GALNT13: variants seen among roughly 807,000 people sequenced by gnomAD.
GALNT13 encodes polypeptide N-acetylgalactosaminyltransferase 13.
Under a neutral mutation model 64.2 loss-of-function variants are expected in GALNT13, and 28 were observed. The ratio of observed to expected loss-of-function variants is 0.44; its 90% CI spans 0.32 to 0.60. The LOEUF (loss-of-function observed/expected upper bound fraction) is 0.60. Among genes scored for constraint, GALNT13 ranks in the 20% least tolerant of loss-of-function variants. The probability of loss-of-function intolerance (pLI) is 0.05; values close to 1 mark genes in which losing one functional copy is unlikely to be tolerated. For synonymous variants in GALNT13, 214 were observed against 224.6 expected, an observed-to-expected ratio of 0.95 and a Z score of 0.42; for missense variants, 577 against 669.8, an observed-to-expected ratio of 0.86 and a Z score of 1.53.
chr2:154,187,370 AC>A lies in GALNT13; in HGVS notation c.311+46866del, dbSNP rs1348449188. On this transcript the variant is annotated intron_variant, in intron 4 of 12. Transcript: ENST00000392825. ...ATGAGTAAGAAAGAGATAGGAGAAA[AC>A]ACACACACACACACACACACACACA... Among the ~76,000 whole-genome samples, 6 of 5,090 alleles carry A rather than the reference AC, an allele frequency of 1.2e-3. No homozygotes were observed. In the Admixed American group the frequency reaches 0.031, roughly 27 times the overall value. 3.3% of individuals were successfully genotyped at this position (5,090 alleles called of 152,430 possible). A position where few individuals can be genotyped will look rare whatever the true frequency, so the allele number is the denominator to read the frequency against.
the GALNT13 span, among the ~76,000 whole-genome samples, chr2:153,812,971 G>T: frequency 6.6e-6 from 1 of 152,090 alleles, no homozygotes; most frequent in African/African-American, 2.4e-5. Context: ...ATATTGCTGA[G>T]ATATTAAAAT....
intron 3 of GALNT13, among the ~76,000 whole-genome samples, chr2:154,064,298 T>C (rs1373239675): frequency 3.3e-5 from 5 of 152,078 alleles, no homozygotes; most frequent in Non-Finnish European, 7.4e-5. Context: ...TGAAAAGCAG[T>C]CTAGGCAACA....
intron 3 of GALNT13, among the ~76,000 whole-genome samples, chr2:154,062,852 G>GTTT (rs35573109): frequency 6.7e-6 from 1 of 149,532 alleles, no homozygotes; most frequent in African/African-American, 2.5e-5. Context: ...AACATGGAAT[G>GTTT]TTTTTTTTTT....
Position 154,237,582 on chromosome 2 carries a change from T to C in GALNT13, c.312-4448T>C, listed in dbSNP as rs1489005664. On this transcript the variant is annotated intron_variant, in intron 4 of 12. Coordinates refer to ENST00000392825, the MANE Select transcript of GALNT13 (RefSeq NM_052917.4). Reference sequence around the variant, plus strand: ...GTTAGATATTATTTATAATATATAGTATAACATATAGTATAAAGGTTTTTT... The same window carrying C: ...GTTAGATATTATTTATAATATATAGCATAACATATAGTATAAAGGTTTTTT... 4.7e-5 allele frequency among the ~76,000 whole-genome samples: 7 copies of C among 148,430 alleles called. No homozygotes were observed. The East Asian group carries it at 5.9e-4, about 12-fold the overall frequency.
intron 3 of GALNT13, among the ~76,000 whole-genome samples, chr2:154,014,926 C>T (rs1397621537): frequency 3.3e-5 from 5 of 152,114 alleles, no homozygotes; most frequent in Admixed American, 6.5e-5. Context: ...GCCACCGCGC[C>T]CAGCCTCTGA....
intron 2 of GALNT13, among the ~76,000 whole-genome samples, chr2:153,914,905 G>T (rs1366010578): frequency 6.6e-6 from 1 of 152,064 alleles, no homozygotes; most frequent in South Asian, 2.1e-4. Flanking sequence ...ACTACTCCTG[G>T]TGGGGGACAG....
At chr2:154,213,660 A>G (rs1353825327) in intron 4 of GALNT13, among the ~76,000 whole-genome samples, 1 of 151,636 alleles carries the variant, frequency 6.6e-6, no homozygotes, top group African/African-American at 2.4e-5. Flanking sequence ...ATGATTTTGG[A>G]TGTGTATATC....
In GALNT13 at chr2:154,346,305, A is replaced by T. The variant is rs1696063190; in HGVS notation, c.1156+44716A>T. On this transcript the variant is annotated intron_variant, in intron 9 of 12. Coordinates refer to ENST00000392825, the MANE Select transcript of GALNT13 (RefSeq NM_052917.4). Reference sequence around the variant, plus strand: ...ATGCTAGGAAAATGTCAACAAATATAATTACTGTCAACCATCTGTCCTCTC... The same window carrying T: ...ATGCTAGGAAAATGTCAACAAATATTATTACTGTCAACCATCTGTCCTCTC... 2.0e-5 allele frequency among the ~76,000 whole-genome samples: 3 copies of T among 152,106 alleles called. No individual in the cohort carries two copies. The South Asian group carries it at 6.2e-4, about 32-fold the overall frequency.
At chr2:154,216,886 T>C (rs1688075712) in intron 4 of GALNT13, among the ~76,000 whole-genome samples, 1 of 149,482 alleles carries the variant, frequency 6.7e-6, no homozygotes, top group Non-Finnish European at 1.5e-5. Context: ...TATAGCTCAT[T>C]GCCTCAAAAT....
the GALNT13 span, among the ~76,000 whole-genome samples, chr2:153,448,468 G>C: frequency 6.6e-6 from 1 of 152,092 alleles, no homozygotes; most frequent in Admixed American, 6.6e-5. Flanking sequence ...TTCTGATATA[G>C]GGGGAGATAT....
the GALNT13 span, among the ~76,000 whole-genome samples, chr2:153,533,690 T>C: frequency 1.7e-4 from 26 of 149,282 alleles, no homozygotes; most frequent in South Asian, 5.3e-3. Context: ...TTTTCATAGA[T>C]GTCCCAAAGT....
chr2:154,022,337 C>CT (rs1271911660), intron 3 of GALNT13, among the ~76,000 whole-genome samples: 1 of 151,936 alleles, frequency 6.6e-6, no homozygotes, highest in Non-Finnish European at 1.5e-5. Context: ...TGGTCCTGGG[C>CT]TTTTTTTGGT....
At chr2:153,887,843 T>C (rs1273337647) in intron 1 of GALNT13, among the ~76,000 whole-genome samples, 1 of 152,012 alleles carries the variant, frequency 6.6e-6, no homozygotes, top group Non-Finnish European at 1.5e-5. Flanking sequence ...GTGTGTAAAA[T>C]AGAGAACATT....
chr2:153,692,495 T>A, the GALNT13 span, among the ~76,000 whole-genome samples: 1 of 152,200 alleles, frequency 6.6e-6, no homozygotes, highest in African/African-American at 2.4e-5. Flanking sequence ...CGGTGTGTTA[T>A]CGTAAAATTA....
chr2:154,068,523 TATTC>T (rs1354414920), intron 3 of GALNT13, among the ~76,000 whole-genome samples: 2 of 145,246 alleles, frequency 1.4e-5, no homozygotes, highest in East Asian at 1.9e-4. Context: ...AAAGGAGTAA[TATTC>T]ATCCATAAAA....
At chr2:153,664,507 T>A in the GALNT13 span, among the ~76,000 whole-genome samples, 1 of 152,106 alleles carries the variant, frequency 6.6e-6, no homozygotes, top group African/African-American at 2.4e-5. Context: ...GTTAACGCAA[T>A]CATCACAAGG....
Position 154,405,288 on chromosome 2 carries a change from C to T in GALNT13, c.1297-3696C>T, listed in dbSNP as rs116540684. ...TGTAAGAACACATGAGTGAATAATA[C>T]CGAGAGCATGCCATAAGAATTTTAG... On this transcript the variant is annotated intron_variant, in intron 10 of 12. Transcript: ENST00000392825. 7.7e-3 allele frequency among the ~76,000 whole-genome samples: 1,174 copies of T among 151,650 alleles called. 12 individuals are homozygous for T. The highest frequency in any genetic ancestry group is 0.043 in the South Asian group (205 of 4,788).
chr2:153,133,340 A>G, the GALNT13 span, among the ~76,000 whole-genome samples: 5 of 152,190 alleles, frequency 3.3e-5, no homozygotes, highest in Middle Eastern at 0.014. Flanking sequence ...GGGCCTATGC[A>G]CTGGGAGGAT....
chr2:153,133,951 G>A, the GALNT13 span, among the ~76,000 whole-genome samples: 3 of 152,162 alleles, frequency 2.0e-5, no homozygotes, highest in Admixed American at 2.0e-4. Flanking sequence ...GAATGTCTGG[G>A]TGTTTCAGTC....
Sources: allele counts gnomAD v4.1 joint callset (sites outside exome capture counted in the v4.1 genomes callset), GRCh38; gene constraint gnomAD v4.1.1; transcripts MANE v1.5; gene names NCBI Gene and HGNC (gene_info 2026-07-23, HGNC 2026-07-21).